SHANK2: variants seen among roughly 807,000 people sequenced by gnomAD.
SHANK2 encodes SH3 and multiple ankyrin repeat domains 2.
In SHANK2, 43 loss-of-function variants were observed where a neutral mutation model predicts 133.7. The observed-to-expected ratio is 0.32, with a 90% confidence interval of 0.25 to 0.41. The LOEUF (loss-of-function observed/expected upper bound fraction) is 0.41. Ranked by LOEUF, SHANK2 falls within the 10% of genes least tolerant of loss-of-function variation. The pLI is 1.00. For synonymous variants in SHANK2, 1,017 were observed against 952.8 expected (o/e 1.07, Z -1.24); for missense variants, 1,994 against 2,235.8 (o/e 0.89, Z 2.18).
intron 3 of SHANK2, among the ~76,000 whole-genome samples, chr11:71,136,467 G>C (rs1555104794): frequency 6.6e-6 from 1 of 152,214 alleles, no homozygotes; most frequent in Admixed American, 6.5e-5. Flanking sequence ...AGCGTGGAAT[G>C]ATGGACACAG....
intron 1 of SHANK2, among the ~76,000 whole-genome samples, chr11:71,251,508 C>T (rs2135848936): frequency 6.6e-6 from 1 of 151,894 alleles, no homozygotes; most frequent in Non-Finnish European, 1.5e-5. Flanking sequence ...GGGCCGGGGC[C>T]ACCCGGTGGA....
intron 22 of SHANK2, among the ~76,000 whole-genome samples, chr11:70,492,048 A>G (rs562780990): frequency 6.6e-6 from 1 of 152,250 alleles, no homozygotes; most frequent in South Asian, 2.1e-4. Context: ...AAGGCCCCTT[A>G]CTTCCATGTG....
At chr11:70,515,637 G>GAAAAAAA (rs58440823) in intron 17 of SHANK2, among the ~76,000 whole-genome samples, 1,115 of 79,916 alleles carry the variant, frequency 0.014, 26 homozygotes, top group South Asian at 0.037. Flanking sequence ...CTCGTTCCTT[G>GAAAAAAA]AAAAAAAAAA....
At chr11:70,888,953 T>A (rs1276063890) in intron 11 of SHANK2, among the ~76,000 whole-genome samples, 2 of 152,152 alleles carry the variant, frequency 1.3e-5, no homozygotes, top group Admixed American at 6.5e-5. Context: ...GTGGGGACGG[T>A]AGAATCAGAT....
intron 15 of SHANK2, among the ~76,000 whole-genome samples, chr11:70,673,746 C>A (rs142107420): frequency 6.6e-6 from 1 of 152,344 alleles, no homozygotes; most frequent in African/African-American, 2.4e-5. Context: ...AGGCCCATGC[C>A]GGAGGAGAAG....
At chr11:70,665,299 C>A (rs1464960828) in intron 15 of SHANK2, among the ~76,000 whole-genome samples, 1 of 152,094 alleles carries the variant, frequency 6.6e-6, no homozygotes, top group Non-Finnish European at 1.5e-5. Flanking sequence ...CACCACCATG[C>A]CCAGCTAATT....
At position 71,219,015 on chromosome 11, in the gene SHANK2, G is replaced by A. The variant is rs73530348; in HGVS notation, c.-13+5682C>T. 1.0e-2 allele frequency among the ~76,000 whole-genome samples: 1,516 copies of A among 152,306 alleles called. 26 individuals carry two copies. Among genetic ancestry groups the A allele is most frequent in the African/African-American group, 0.035 (1,446 of 41,562 alleles). On this transcript the variant is annotated intron_variant, in intron 2 of 25. Coordinates refer to ENST00000601538, the MANE Select transcript of SHANK2 (RefSeq NM_012309.5). Reference sequence around the variant, plus strand: ...CACAGACATCGCAGAAGAATGTAACGGAGCTTACCCAAGGCTCTGTGGGCA... The same window carrying A: ...CACAGACATCGCAGAAGAATGTAACAGAGCTTACCCAAGGCTCTGTGGGCA...
chr11:71,206,490 C>T (rs891774184), intron 2 of SHANK2, among the ~76,000 whole-genome samples: 12 of 152,220 alleles, frequency 7.9e-5, no homozygotes, highest in South Asian at 2.1e-4. Flanking sequence ...CCAGCAGCGC[C>T]GCACCCCCGC....
intron 14 of SHANK2, among the ~76,000 whole-genome samples, chr11:70,795,206 G>A (rs1947880337): frequency 6.6e-6 from 1 of 151,970 alleles, no homozygotes; most frequent in Non-Finnish European, 1.5e-5. Context: ...TGCCATCTGT[G>A]TTAGGGAGAA....
chr11:70,887,134 ATGCGGGCTC>A (rs1209137744), intron 11 of SHANK2, among the ~76,000 whole-genome samples: 1 of 152,098 alleles, frequency 6.6e-6, no homozygotes, highest in East Asian at 1.9e-4. Context: ...ACTGTTTCAG[ATGCGGGCTC>A]CCCGGCACCC....
intron 2 of SHANK2, among the ~76,000 whole-genome samples, chr11:71,222,955 C>T (rs1450007263): frequency 1.3e-5 from 2 of 152,246 alleles, no homozygotes; most frequent in African/African-American, 4.8e-5. Flanking sequence ...CCAAGACAGC[C>T]AGGGAAGGCA....
chr11:70,760,637 C>T (rs1486619046), intron 14 of SHANK2, among the ~76,000 whole-genome samples: 5 of 152,264 alleles, frequency 3.3e-5, no homozygotes, highest in Admixed American at 3.3e-4. Context: ...CTCGATGAAT[C>T]CCTACCCTAC....
chr11:70,676,032 C>T (rs957785814), intron 15 of SHANK2, among the ~76,000 whole-genome samples: 5 of 152,256 alleles, frequency 3.3e-5, no homozygotes, highest in African/African-American at 1.2e-4. Context: ...ACCTACAACA[C>T]TCTATACCTG....
intron 11 of SHANK2, among the ~76,000 whole-genome samples, chr11:70,856,501 GTGGA>G (rs777161766): frequency 3.0e-4 from 45 of 149,778 alleles, no homozygotes; most frequent in Non-Finnish European, 3.3e-4. Context: ...TGGATAATGA[GTGGA>G]TGGATGGATG....
chr11:70,826,957 C>T (rs1398624970), intron 11 of SHANK2, among the ~76,000 whole-genome samples: 1 of 152,182 alleles, frequency 6.6e-6, no homozygotes, highest in African/African-American at 2.4e-5. Context: ...TGCGCCTGTG[C>T]CTAAATATAC....
chr11:70,716,299 G>A (rs1423790286), intron 14 of SHANK2, among the ~76,000 whole-genome samples: 2 of 152,166 alleles, frequency 1.3e-5, no homozygotes, highest in African/African-American at 2.4e-5. Context: ...CCAGGAGGGG[G>A]CCATGTCCAA....
At chr11:71,088,678 G>A (rs979096476) in intron 8 of SHANK2, among the ~76,000 whole-genome samples, 2 of 145,294 alleles carry the variant, frequency 1.4e-5, no homozygotes, top group Non-Finnish European at 3.2e-5. Context: ...TGTCTCGTGG[G>A]TGACTGCACC....
At chr11:70,519,288 G>A (rs1014748581) in intron 17 of SHANK2, among the ~76,000 whole-genome samples, 7 of 152,144 alleles carry the variant, frequency 4.6e-5, no homozygotes, top group Non-Finnish European at 1.0e-4. Flanking sequence ...GCCCAGATAC[G>A]GGCCGGATAC....
At chr11:70,618,823 G>C (rs527818454) in intron 17 of SHANK2, among the ~76,000 whole-genome samples, 40 of 152,274 alleles carry the variant, frequency 2.6e-4, no homozygotes, top group African/African-American at 9.6e-4. Context: ...GGAAAGGCCC[G>C]GAAACCACCC....
Sources: allele counts gnomAD v4.1 joint callset (sites outside exome capture counted in the v4.1 genomes callset), GRCh38; gene constraint gnomAD v4.1.1; transcripts MANE v1.5; gene names NCBI Gene and HGNC (gene_info 2026-07-23, HGNC 2026-07-21).